Variants in MOXD1 observed in about 807,000 individuals in gnomAD.
MOXD1 encodes DBH-like monooxygenase protein 1.
Under a neutral mutation model 66.6 loss-of-function variants are expected in MOXD1, and 62 were observed. The ratio of observed to expected loss-of-function variants is 0.93; its 90% CI spans 0.76 to 1.15. The LOEUF (loss-of-function observed/expected upper bound fraction) is 1.15, where lower values mean the gene tolerates loss of function less well. Ranked by LOEUF, MOXD1 falls within the 50% of genes most tolerant of loss-of-function variation. MOXD1 has a pLI of 0.00. For synonymous variants in MOXD1, 303 were observed against 281.9 expected, an observed-to-expected ratio of 1.07 and a Z score of -0.75; for missense variants, 847 against 754.6, an observed-to-expected ratio of 1.12 and a Z score of -1.44.
chr6:132,316,067 T>C (rs772932914), intron 9 of MOXD1, among the ~76,000 whole-genome samples: 1 of 152,180 alleles, frequency 6.6e-6, no homozygotes, highest in Non-Finnish European at 1.5e-5. Context: ...GATGTTTGGT[T>C]AGCATAATAC....
At chr6:132,324,227 C>G (rs1397571251) in intron 6 of MOXD1, 130 bp from the exon 7 acceptor site, 1 of 917,144 alleles carries the variant, frequency 1.1e-6, no homozygotes, top group Non-Finnish European at 1.6e-6. Flanking sequence ...TTTCCATAAA[C>G]TGTCATGAGG....
At chr6:132,353,999 A>G (rs1049884536) in intron 4 of MOXD1, among the ~76,000 whole-genome samples, 1 of 152,176 alleles carries the variant, frequency 6.6e-6, no homozygotes, top group Non-Finnish European at 1.5e-5. Flanking sequence ...AAGAGTGTCC[A>G]AGGTTTCCTG....
At chr6:132,316,020 A>G (rs2114557836) in intron 9 of MOXD1, among the ~76,000 whole-genome samples, 1 of 152,284 alleles carries the variant, frequency 6.6e-6, no homozygotes, top group East Asian at 1.9e-4. Flanking sequence ...TGGGATGTAA[A>G]CTTCTCAACA....
Position 132,349,452 on chromosome 6 carries a change from CATATATAT to C in MOXD1, c.664-20866_664-20859del, listed in dbSNP as rs1197053952. Among the ~76,000 whole-genome samples the C allele has an allele frequency of 1.5e-4, 11 of 74,204 alleles. 1 individual carries two copies. In the Admixed American group the frequency reaches 1.6e-3, roughly 11 times the overall value. 48.7% of individuals were successfully genotyped at this position (74,204 alleles called of 152,430 possible). A position where few individuals can be genotyped will look rare whatever the true frequency, so the allele number is the denominator to read the frequency against. On this transcript the variant is annotated intron_variant, in intron 4 of 11. Transcript: ENST00000367963. ...ATATATATACATATATATATATATA[CATATATAT>C]ATATACATATATATATATATACATA...
At chr6:132,311,968 GC>G (rs1774840323) in intron 10 of MOXD1, among the ~76,000 whole-genome samples, 1 of 151,940 alleles carries the variant, frequency 6.6e-6, no homozygotes, top group South Asian at 2.1e-4. Context: ...AGCTATTGAT[GC>G]TTTTTTAGGA....
At chr6:132,360,173 T>A (rs953019027) in intron 4 of MOXD1, among the ~76,000 whole-genome samples, 3 of 152,364 alleles carry the variant, frequency 2.0e-5, no homozygotes, top group Admixed American at 6.5e-5. Flanking sequence ...TCCTATTTTT[T>A]TAGTCAATGA....
At chr6:132,375,500 C>T (rs1326237210) in intron 1 of MOXD1, among the ~76,000 whole-genome samples, 1 of 152,178 alleles carries the variant, frequency 6.6e-6, no homozygotes, top group African/African-American at 2.4e-5. Flanking sequence ...CCTCTGCTCA[C>T]TACAAGCTCC....
At chr6:132,324,132 G>A (rs1218632413) in intron 6 of MOXD1, 35 bp from the exon 7 acceptor site, 2 of 1,580,068 alleles carry the variant, frequency 1.3e-6, no homozygotes, top group African/African-American at 2.7e-5. Flanking sequence ...GTGATTTTTG[G>A]TTCTTAAAAT....
chr6:132,305,441 A>G (rs933752873), intron 10 of MOXD1, among the ~76,000 whole-genome samples: 1 of 152,244 alleles, frequency 6.6e-6, no homozygotes, highest in African/African-American at 2.4e-5. Context: ...TCCTCCTGGT[A>G]GCTCTGAGGA....
intron 1 of MOXD1, among the ~76,000 whole-genome samples, chr6:132,384,270 CTT>C (rs1776575467): frequency 7.7e-6 from 1 of 129,308 alleles, no homozygotes; most frequent in African/African-American, 3.2e-5. Flanking sequence ...TCCTTCCTTC[CTT>C]CCTTCCTTCC....
At chr6:132,303,835 GTATATATATATATATATATA>G (rs1158339059) in intron 10 of MOXD1, among the ~76,000 whole-genome samples, 56 of 47,552 alleles carry the variant, frequency 1.2e-3, no homozygotes, top group Middle Eastern at 0.015. Flanking sequence ...GTGTGTGTGT[GTATATATATATATATATATA>G]TATATATATA....
chr6:132,396,299 CA>C (rs1298703564), intron 1 of MOXD1, among the ~76,000 whole-genome samples: 1 of 150,886 alleles, frequency 6.6e-6, no homozygotes, highest in Non-Finnish European at 1.5e-5. Flanking sequence ...ACCAATGGGT[CA>C]AGAAAGAAAT....
At chr6:132,369,308 C>A (rs1776215113) in intron 4 of MOXD1, among the ~76,000 whole-genome samples, 1 of 152,062 alleles carries the variant, frequency 6.6e-6, no homozygotes, top group Non-Finnish European at 1.5e-5. Flanking sequence ...GTCTTCTACC[C>A]ACAGATTTAA....
intron 4 of MOXD1, among the ~76,000 whole-genome samples, chr6:132,340,445 T>G (rs1057394882): frequency 7.4e-6 from 1 of 134,834 alleles, no homozygotes; most frequent in Admixed American, 7.1e-5. Context: ...CACTTTCTTT[T>G]TTTTTTTTTT....
intron 4 of MOXD1, among the ~76,000 whole-genome samples, chr6:132,341,630 T>C (rs1775565491): frequency 6.6e-6 from 1 of 152,198 alleles, no homozygotes; most frequent in Non-Finnish European, 1.5e-5. Flanking sequence ...GTTACCCCCA[T>C]GGTCCCATAT....
At position 132,328,042 on chromosome 6, in the gene MOXD1, A is replaced by T. The variant is rs750501782; in HGVS notation, c.917T>A (p.Val306Asp). The stretch of plus-strand genomic sequence containing the variant: ...CTCATAAGTGGGATTATCATAATGG[A>T]CTTCTAGGAGCACATAATGCGGATC... ...PLDPHYVLLE[V>D]HYDNPTYEEG... The change falls in exon 6 of 12, where the codon GTC (valine) becomes GAC (aspartate). Residue 306 changes from valine to aspartate, a missense_variant. Coordinates refer to ENST00000367963, the MANE Select transcript of MOXD1 (RefSeq NM_015529.4). 6.2e-7 allele frequency: 1 copy of T among 1,613,572 alleles called. No homozygotes were observed. The highest frequency in any genetic ancestry group is 1.1e-5 in the South Asian group (1 of 91,054).
Position 132,401,260 on chromosome 6 carries a change from G to A in MOXD1, c.167C>T (p.Thr56Ile). 6.3e-7 allele frequency: 1 copy of A among 1,596,462 alleles called. No individual in the cohort carries two copies. Among genetic ancestry groups the A allele is most frequent in the Non-Finnish European group, 8.5e-7 (1 of 1,177,266 alleles). Residue 56 changes from threonine (T) to isoleucine (I), a missense_variant, in exon 1 of 12, where the codon ACT becomes ATT. Transcript: ENST00000367963. ...SQIAFRLQVR[T>I]AGYVGFGFSP... ...GAAGCCGAAGCCCACGTAGCCTGCAGTGCGCACCTGGAGGCGGAAGGCGAT... is the reference window on the plus strand; with the variant it reads ...GAAGCCGAAGCCCACGTAGCCTGCAATGCGCACCTGGAGGCGGAAGGCGAT...
At chr6:132,348,422 A>G (rs1270451402) in intron 4 of MOXD1, among the ~76,000 whole-genome samples, 1 of 152,214 alleles carries the variant, frequency 6.6e-6, no homozygotes, top group African/African-American at 2.4e-5. Flanking sequence ...TGCCAAACTC[A>G]AAGATCAAGG....
intron 10 of MOXD1, among the ~76,000 whole-genome samples, chr6:132,303,827 GTGTGTGTGTA>G (rs1305696211): frequency 4.0e-5 from 4 of 99,180 alleles, no homozygotes; most frequent in African/African-American, 1.2e-4. Context: ...GTGTGTGTGT[GTGTGTGTGTA>G]TATATATATA....
Sources: gnomAD v4.1 joint callset for allele counts (sites outside exome capture counted in the v4.1 genomes callset) on GRCh38, gnomAD v4.1.1 for gene constraint, MANE v1.5 for transcripts, NCBI Gene and HGNC (gene_info 2026-07-23, HGNC 2026-07-21) for gene names.